The following PDGFRL variants were observed in gnomAD, a reference collection of about 807,000 sequenced individuals.
The protein encoded by PDGFRL is platelet-derived growth factor receptor-like protein.
A neutral mutation model predicts 37.2 loss-of-function variants in PDGFRL; 46 were observed. The ratio of observed to expected loss-of-function variants is 1.24; its 90% CI spans 0.98 to 1.58. The LOEUF (loss-of-function observed/expected upper bound fraction) is 1.58. Ranked by LOEUF, PDGFRL falls within the 40% of genes most tolerant of loss-of-function variation. The pLI, the probability that PDGFRL is intolerant of heterozygous loss-of-function variation, is 0.00. For missense variants in PDGFRL, 692 were observed against 467.6 expected, an observed-to-expected ratio of 1.48 and a Z score of -4.43; for synonymous variants, 251 against 184.3, an observed-to-expected ratio of 1.36 and a Z score of -2.93.
intron 2 of PDGFRL, among the ~76,000 whole-genome samples, chr8:17,603,599 T>G (rs937124955): frequency 3.9e-5 from 6 of 152,156 alleles, no homozygotes; most frequent in Admixed American, 3.9e-4. Flanking sequence ...ACACTCTGTT[T>G]CTTGACTCCT....
intron 5 of PDGFRL, among the ~76,000 whole-genome samples, chr8:17,637,590 G>A (rs1216004034): frequency 6.6e-6 from 1 of 152,186 alleles, no homozygotes; most frequent in Non-Finnish European, 1.5e-5. Context: ...TTCACAGAAT[G>A]ATTTAGGGAG....
At chr8:17,605,081 C>A (rs1419880305) in intron 2 of PDGFRL, among the ~76,000 whole-genome samples, 1 of 152,004 alleles carries the variant, frequency 6.6e-6, no homozygotes. Context: ...CATGCCACTG[C>A]GCTCCAGCTT....
intron 1 of PDGFRL, among the ~76,000 whole-genome samples, chr8:17,583,390 G>A (rs559656352): frequency 1.3e-5 from 2 of 152,180 alleles, no homozygotes; most frequent in Admixed American, 6.5e-5. Context: ...TAGAGGGGTG[G>A]GGAGGGCGAA....
chr8:17,628,297 T>C (rs1157221578), intron 3 of PDGFRL, among the ~76,000 whole-genome samples, 190 bp from the exon 4 acceptor site: 2 of 152,122 alleles, frequency 1.3e-5, no homozygotes, highest in African/African-American at 4.8e-5. Context: ...CCCAGCCTTC[T>C]GTTTTCTTTA....
intron 2 of PDGFRL, among the ~76,000 whole-genome samples, chr8:17,592,826 T>A (rs1342806043): frequency 6.6e-6 from 1 of 152,138 alleles, no homozygotes; most frequent in Non-Finnish European, 1.5e-5. Context: ...TCACTGAGAC[T>A]TAGCTGAGTG....
Position 17,642,753 on chromosome 8 carries a change from G to T in PDGFRL, c.1080G>T (p.Gln360His). 1 of 1,611,486 alleles carries T rather than the reference G, an allele frequency of 6.2e-7. No individual in the cohort carries two copies. The highest frequency in any genetic ancestry group is 8.5e-7 in the Non-Finnish European group (1 of 1,177,544). ...CAGGATATTACATTTGCACTGCTCA[G>T]AATCTTCAAGGACAGACCACAGTAG... ...IDAGYYICTA[Q>H]NLQGQTTVAT... The change falls in exon 6 of 6, where the codon CAG becomes CAT. Residue 360 changes from glutamine (Q) to histidine (H), a missense_variant. Coordinates refer to ENST00000251630, the MANE Select transcript of PDGFRL (RefSeq NM_001372073.1).
chr8:17,623,462 T>G (rs2588104), intron 3 of PDGFRL, among the ~76,000 whole-genome samples: 137,400 of 152,280 alleles, frequency 0.9, 63,391 homozygotes, highest in East Asian at 1. Context: ...AATGACTGAT[T>G]CCACATTTCA....
At position 17,634,226 on chromosome 8, in the gene PDGFRL, C is replaced by G. The variant is rs1223466310; in HGVS notation, c.939+13C>G. ...CCCAGGGCAGAAGGTAAGTGTTGTA[C>G]CTGCATCTCAGCCCCTGCGTCTCAG... On this transcript the variant is annotated intron_variant, in intron 5 of 5. Coordinates refer to ENST00000251630, the MANE Select transcript of PDGFRL (RefSeq NM_001372073.1). 6.1e-5 allele frequency: 97 copies of G among 1,594,262 alleles called. No homozygotes were observed. The highest frequency in any genetic ancestry group is 8.1e-5 in the Non-Finnish European group (94 of 1,167,456).
intron 5 of PDGFRL, among the ~76,000 whole-genome samples, chr8:17,641,895 G>T (rs1313102956): frequency 7.7e-4 from 2 of 2,590 alleles, no homozygotes; most frequent in Non-Finnish European, 1.5e-3. Flanking sequence ...TTCAATAGAG[G>T]TCCCCGCCAC....
At chr8:17,616,978 C>G (rs1026477273) in intron 2 of PDGFRL, among the ~76,000 whole-genome samples, 1 of 152,180 alleles carries the variant, frequency 6.6e-6, no homozygotes, top group Non-Finnish European at 1.5e-5. Context: ...TGAGGACTGT[C>G]AGCTCCCTCC....
At chr8:17,603,280 C>A (rs1435838296) in intron 2 of PDGFRL, among the ~76,000 whole-genome samples, 1 of 152,186 alleles carries the variant, frequency 6.6e-6, no homozygotes, top group East Asian at 1.9e-4. Flanking sequence ...AGCCACCACG[C>A]CCAGCCCAAC....
chr8:17,616,317 C>T (rs1480474452), intron 2 of PDGFRL, among the ~76,000 whole-genome samples: 1 of 152,130 alleles, frequency 6.6e-6, no homozygotes, highest in East Asian at 1.9e-4. Context: ...GCGTCAGCCT[C>T]CCCAGTAGCT....
chr8:17,642,361 C>T (rs979612071), intron 5 of PDGFRL, among the ~76,000 whole-genome samples: 1 of 151,990 alleles, frequency 6.6e-6, no homozygotes, highest in African/African-American at 2.4e-5. Context: ...TTAAGTAAAA[C>T]CTTACAGAAG....
At chr8:17,598,004 C>G (rs944474870) in intron 2 of PDGFRL, among the ~76,000 whole-genome samples, 30 of 150,232 alleles carry the variant, frequency 2.0e-4, no homozygotes, top group African/African-American at 7.3e-4. Context: ...CAGCTTGTGG[C>G]TTTTTGAGTT....
intron 3 of PDGFRL, among the ~76,000 whole-genome samples, chr8:17,625,315 C>T (rs1054651541): frequency 8.5e-5 from 13 of 152,224 alleles, no homozygotes; most frequent in African/African-American, 2.2e-4. Flanking sequence ...CAGTGCCCAA[C>T]GAATCTTTGT....
intron 2 of PDGFRL, among the ~76,000 whole-genome samples, chr8:17,602,943 A>C (rs1563513961): frequency 6.6e-6 from 1 of 152,222 alleles, no homozygotes. Flanking sequence ...TTGTATTTTA[A>C]ACAGTATAGA....
At chr8:17,581,623 T>C (rs989981326) in intron 1 of PDGFRL, among the ~76,000 whole-genome samples, 4 of 151,990 alleles carry the variant, frequency 2.6e-5, no homozygotes, top group African/African-American at 4.8e-5. Context: ...GTGGATTCTG[T>C]ATTATTTCCA....
At chr8:17,605,714 A>G (rs1276758285) in intron 2 of PDGFRL, among the ~76,000 whole-genome samples, 2 of 152,248 alleles carry the variant, frequency 1.3e-5, no homozygotes, top group African/African-American at 4.8e-5. Flanking sequence ...CTGATGTGGT[A>G]ATAAGCCCTG....
chr8:17,599,164 A>G (rs1245918543), intron 2 of PDGFRL, among the ~76,000 whole-genome samples: 1 of 152,044 alleles, frequency 6.6e-6, no homozygotes, highest in African/African-American at 2.4e-5. Flanking sequence ...TCCATAAATT[A>G]TTGAGGTACA....
Sources: gnomAD v4.1 joint callset for allele counts (sites outside exome capture counted in the v4.1 genomes callset) on GRCh38, gnomAD v4.1.1 for gene constraint, MANE v1.5 for transcripts, NCBI Gene and HGNC (gene_info 2026-07-23, HGNC 2026-07-21) for gene names.